Variants in PML observed in about 807,000 individuals in gnomAD.
PML encodes PML nuclear body scaffold, also known as protein PML.
In PML, 28 loss-of-function variants were observed where a neutral mutation model predicts 65.2. The ratio of observed to expected loss-of-function variants is 0.43; its 90% CI spans 0.32 to 0.59. The LOEUF is 0.59. Ranked by LOEUF, PML falls within the 20% of genes least tolerant of loss-of-function variation. PML has a pLI of 0.08. For missense variants in PML, 1,021 were observed against 1,203.4 expected, an observed-to-expected ratio of 0.85 and a Z score of 2.24; for synonymous variants, 500 against 508.8, an observed-to-expected ratio of 0.98 and a Z score of 0.23.
rs2071758628 is a variant in PML at position 74,045,084 on chromosome 15, C to T, written c.*76C>T. 2.3e-6 allele frequency: 3 copies of T among 1,308,358 alleles called. No individual in the cohort carries two copies. In the South Asian group the frequency reaches 4.2e-5, roughly 18 times the overall value. 81.0% of individuals were successfully genotyped at this position (1,308,358 alleles called of 1,614,324 possible). ...TCCCTGAGCCAGGCCCCACCCATCA[C>T]AGCATTCCCAGGTCCTGGTACCCAG... On this transcript the variant is annotated 3_prime_UTR_variant, in exon 9 of 9. Coordinates refer to ENST00000268058, the MANE Select transcript of PML (RefSeq NM_033238.3).
Position 74,044,435 on chromosome 15 carries a change from G to C in PML, c.2076G>C (p.Glu692Asp). 6.2e-7 allele frequency: 1 copy of C among 1,614,212 alleles called. No homozygotes were observed. The highest frequency in any genetic ancestry group is 1.1e-5 in the South Asian group (1 of 91,080). The stretch of plus-strand genomic sequence containing the variant: ...TCCCAAACTTCTTCCGGGCCCTGGA[G>C]GACATTAACAGGCTGTGGGAATTCC... ...PGLPNFFRALEDINRLWEFQE... is the reference protein window; with the variant it reads ...PGLPNFFRALDDINRLWEFQE... Residue 692 changes from glutamate to aspartate, a missense_variant, in exon 9 of 9, where the codon GAG becomes GAC. By Grantham distance (45) the Glu-to-Asp change is conservative. Transcript: ENST00000268058.
chr15:74,033,541 A>C, intron 6 of PML, 127 bp downstream of exon 6: 1 of 997,810 alleles, frequency 1.0e-6, no homozygotes, highest in South Asian at 1.3e-5. Flanking sequence ...CCACTGAATA[A>C]GATAGGGAAA....
chr15:74,004,237 G>A (rs2069923726), intron 2 of PML, among the ~76,000 whole-genome samples: 1 of 152,182 alleles, frequency 6.6e-6, no homozygotes, highest in African/African-American at 2.4e-5. Context: ...GACCTCCCAA[G>A]TAGCCAGGAC....
intron 2 of PML, among the ~76,000 whole-genome samples, chr15:74,011,356 G>C (rs949730557): frequency 6.6e-6 from 1 of 152,214 alleles, no homozygotes; most frequent in Non-Finnish European, 1.5e-5. Context: ...CATGGACTGA[G>C]AACAGGAATG....
At position 74,042,940 on chromosome 15, in the gene PML, C is replaced by T; in HGVS notation, c.1711-49C>T. 1.2e-6 allele frequency: 2 copies of T among 1,612,328 alleles called. No homozygotes were observed. The highest frequency in any genetic ancestry group is 1.7e-6 in the Non-Finnish European group (2 of 1,179,978). The stretch of plus-strand genomic sequence containing the variant: ...AGCTTGCTAGTGTTCTGCACAGGTG[C>T]TTGCCTTGGCCCTCTGAATCCCTGA... On this transcript the variant is annotated intron_variant, in intron 7 of 8. Coordinates refer to ENST00000268058, the MANE Select transcript of PML (RefSeq NM_033238.3). This position sits in a 1 kb window ranked among gnomAD's most constrained non-coding sequence, Gnocchi z 5.3.
chr15:74,044,744 C>T lies in PML; in HGVS notation c.2385C>T (p.Ala795=). ...VQAAVLPRAE[A]RLLALHNVSF... Reference sequence around the variant, plus strand: ...CAGCTGTGCTGCCCCGGGCTGAGGCCCGCCTCCTGGCCCTACACAACGTGA... The same window carrying T: ...CAGCTGTGCTGCCCCGGGCTGAGGCTCGCCTCCTGGCCCTACACAACGTGA... Residue 795 remains alanine, a synonymous_variant, in exon 9 of 9, where the codon GCC becomes GCT. Transcript: ENST00000268058. The T allele has an allele frequency of 1.2e-6, 2 of 1,612,042 alleles. No homozygotes were observed. The highest frequency in any genetic ancestry group is 1.7e-6 in the Non-Finnish European group (2 of 1,180,006).
In PML at chr15:74,044,317, T is replaced by A. The variant is rs761108099; in HGVS notation, c.1958T>A (p.Val653Glu). The part of the protein sequence containing the change: ...EAFFSIYSKA[V>E]SLEVGLQHFL... ...TTCTTCAGCATCTACTCCAAGGCCG[T>A]GTCCCTGGAGGTGGGGCTGCAGCAC... Residue 653 changes from valine to glutamate, a missense_variant, in exon 9 of 9, where the codon GTG (valine) becomes GAG (glutamate). Val to Glu is a moderately radical substitution (Grantham distance 121). Transcript: ENST00000268058. 1 of 1,614,004 alleles carries A rather than the reference T, an allele frequency of 6.2e-7. No homozygotes were observed. The highest frequency in any genetic ancestry group is 1.7e-5 in the Admixed American group (1 of 60,028).
intron 1 of PML, among the ~76,000 whole-genome samples, chr15:73,997,577 T>C (rs2069567295): frequency 6.6e-6 from 1 of 152,234 alleles, no homozygotes; most frequent in South Asian, 2.1e-4. Flanking sequence ...TGTTTGGGCC[T>C]TGTTTTTACA....
intron 2 of PML, among the ~76,000 whole-genome samples, chr15:74,011,041 T>G (rs562335305): frequency 3.3e-4 from 50 of 152,336 alleles, no homozygotes; most frequent in African/African-American, 1.2e-3. Context: ...ACCTGACCAA[T>G]TAGATATTCA....
rs746481117 is a variant in PML at position 74,044,571 on chromosome 15, A to T, written c.2212A>T (p.Met738Leu). 1 of 1,611,706 alleles carries T rather than the reference A, an allele frequency of 6.2e-7. No homozygotes were observed. Among genetic ancestry groups the T allele is most frequent in the African/African-American group, 1.3e-5 (1 of 74,942 alleles). ...GGCCCAGACCTACCTGGCGAGAAAC[A>T]TGAGCGAGCGCAGCGCCATGGCTGC... is the stretch of plus-strand genomic sequence containing the variant. ...NLAQTYLARN[M>L]SERSAMAAVL... Residue 738 changes from methionine to leucine, a missense_variant, in exon 9 of 9, where the codon ATG (methionine) becomes TTG (leucine). Coordinates refer to ENST00000268058, the MANE Select transcript of PML (RefSeq NM_033238.3).
intron 6 of PML, 96 bp from the exon 7 acceptor site, chr15:74,034,382 C>T (rs1331065901): frequency 4.3e-5 from 66 of 1,548,378 alleles, no homozygotes; most frequent in Admixed American, 8.4e-5. Context: ...TTCCCCCAGC[C>T]GACTGGCCTG....
rs775011173 is a variant in PML at position 74,044,213 on chromosome 15, C to G, written c.1862-8C>G. The G allele has an allele frequency of 1.2e-6, 2 of 1,613,684 alleles. No homozygotes were observed. The highest frequency in any genetic ancestry group is 1.7e-6 in the Non-Finnish European group (2 of 1,180,010). On this transcript the variant is annotated splice_polypyrimidine_tract_variant and splice_region_variant and intron_variant, in intron 8 of 8. Transcript: ENST00000268058. The stretch of plus-strand genomic sequence containing the variant: ...TGGGTCCTCACCCTGCCCTTCTCTC[C>G]TGCCCAGCCCAGAAGATTAGCCAGC...
chr15:74,036,534 GCAT>G, intron 7 of PML: 1 of 964,000 alleles, frequency 1.0e-6, no homozygotes, highest in Non-Finnish European at 1.3e-6. Flanking sequence ...ACACTCATGG[GCAT>G]CAGAGGTGGG....
rs184471749 is a variant in PML at position 74,012,261 on chromosome 15, C to T, written c.603-10567C>T. Among the ~76,000 whole-genome samples the T allele has an allele frequency of 2.3e-3, 347 of 152,260 alleles. 1 individual carries two copies. Among genetic ancestry groups the T allele is most frequent in the African/African-American group, 8.0e-3 (334 of 41,558 alleles). ...CGCAATCTTGGCTCACTGCAACCTC[C>T]GCCTCCCGGGTTCAAGCAATTCTCC... On this transcript the variant is annotated intron_variant, in intron 2 of 8. Transcript: ENST00000268058.
Position 74,044,345 on chromosome 15 carries a change from C to A in PML, c.1986C>A (p.Phe662Leu), listed in dbSNP as rs777920303. 18 of 1,614,106 alleles carry A rather than the reference C, an allele frequency of 1.1e-5. No individual in the cohort carries two copies. Among genetic ancestry groups the A allele is most frequent in the Admixed American group, 1.7e-5 (1 of 60,014 alleles). ...CCCTGGAGGTGGGGCTGCAGCACTT[C>A]CTCAGCTTTCTGAGCTCCATGCGCC... ...AVSLEVGLQH[F>L]LSFLSSMRRP... The change falls in exon 9 of 9, where the codon TTC (phenylalanine) becomes TTA (leucine). Residue 662 changes from phenylalanine (F) to leucine (L), a missense_variant. Physicochemically the swap from Phe to Leu is conservative, Grantham distance 22 (BLOSUM62 0). Coordinates refer to ENST00000268058, the MANE Select transcript of PML (RefSeq NM_033238.3).
chr15:74,022,997 C>G lies in PML; in HGVS notation c.772C>G (p.His258Asp). Residue 258 changes from histidine to aspartate, a missense_variant, in exon 3 of 9, where the codon CAC (histidine) becomes GAC (aspartate). Physicochemically the swap from His to Asp is moderately conservative, Grantham distance 81 (BLOSUM62 -1). Transcript: ENST00000268058. ...QEQDSAFGAV[H>D]AQMHAAVGQL... Reference sequence around the variant, plus strand: ...GCAGGATAGTGCCTTTGGCGCGGTTCACGCGCAGATGCACGCGGCCGTCGG... The same window carrying G: ...GCAGGATAGTGCCTTTGGCGCGGTTGACGCGCAGATGCACGCGGCCGTCGG... The G allele has an allele frequency of 6.2e-7, 1 of 1,609,686 alleles. No individual in the cohort carries two copies.
intron 4 of PML, among the ~76,000 whole-genome samples, chr15:74,028,595 C>T (rs978729904): frequency 6.6e-6 from 1 of 152,192 alleles, no homozygotes; most frequent in African/African-American, 2.4e-5. Context: ...ATTACCACCA[C>T]CCGTTCCAGA....
intron 6 of PML, 78 bp downstream of exon 6, chr15:74,033,492 C>G: frequency 1.9e-6 from 3 of 1,543,396 alleles, no homozygotes; most frequent in Non-Finnish European, 2.7e-6. Flanking sequence ...TATTTTGGCC[C>G]CATCCAGAAA....
intron 1 of PML, among the ~76,000 whole-genome samples, 178 bp downstream of exon 1, chr15:73,995,119 G>A (rs2069411046): frequency 6.6e-6 from 1 of 152,244 alleles, no homozygotes; most frequent in Non-Finnish European, 1.5e-5. Flanking sequence ...GGGAGGGTAG[G>A]ATAGAGTAGA....
Sources: gnomAD v4.1 joint callset for allele counts (sites outside exome capture counted in the v4.1 genomes callset) on GRCh38, gnomAD v4.1.1 for gene constraint, Gnocchi (gnomAD v3.1) non-coding constraint, MANE v1.5 for transcripts, NCBI Gene and HGNC (gene_info 2026-07-23, HGNC 2026-07-21) for gene names.